KCNIP4: variants seen among roughly 807,000 people sequenced by gnomAD.
The protein encoded by KCNIP4 is potassium voltage-gated channel interacting protein 4.
In KCNIP4, 12 loss-of-function variants were observed where a neutral mutation model predicts 34.0. The ratio of observed to expected loss-of-function variants is 0.35; its 90% CI spans 0.23 to 0.57. KCNIP4 has a LOEUF of 0.57. Ranked by LOEUF, KCNIP4 falls within the 20% of genes least tolerant of loss-of-function variation. The probability of loss-of-function intolerance (pLI) is 0.83; values close to 1 mark genes in which losing one functional copy is unlikely to be tolerated. For synonymous variants in KCNIP4, 124 were observed against 102.2 expected, an observed-to-expected ratio of 1.21 and a Z score of -1.29; for missense variants, 238 against 311.7, an observed-to-expected ratio of 0.76 and a Z score of 1.78.
chr4:21,354,335 T>C (rs1373686629), intron 1 of KCNIP4, among the ~76,000 whole-genome samples: 3 of 152,156 alleles, frequency 2.0e-5, no homozygotes, highest in Non-Finnish European at 4.4e-5. Context: ...AATGCCCCAA[T>C]TAAAAGACAT....
chr4:21,601,120 T>C (rs1244508847), intron 1 of KCNIP4, among the ~76,000 whole-genome samples: 1 of 151,754 alleles, frequency 6.6e-6, no homozygotes, highest in African/African-American at 2.4e-5. Flanking sequence ...ACCAGTGTCC[T>C]AGGGTTCTAT....
At chr4:21,303,487 A>G (rs1711985604) in intron 1 of KCNIP4, among the ~76,000 whole-genome samples, 2 of 152,352 alleles carry the variant, frequency 1.3e-5, no homozygotes, top group African/African-American at 4.8e-5. Context: ...AGATAAAATA[A>G]TCAAGCATCA....
chr4:21,443,377 G>A (rs890292234), intron 1 of KCNIP4, among the ~76,000 whole-genome samples: 2 of 152,130 alleles, frequency 1.3e-5, no homozygotes, highest in Non-Finnish European at 2.9e-5. Context: ...TACTGCTGTA[G>A]AATATGTTAG....
At chr4:20,851,461 C>T (rs1721014551) in intron 2 of KCNIP4, among the ~76,000 whole-genome samples, 1 of 152,162 alleles carries the variant, frequency 6.6e-6, no homozygotes, top group Non-Finnish European at 1.5e-5. Context: ...GATTCTGTGA[C>T]TTTCCTATTG....
chr4:21,332,542 G>C (rs986158158), intron 1 of KCNIP4, among the ~76,000 whole-genome samples: 1 of 151,730 alleles, frequency 6.6e-6, no homozygotes, highest in African/African-American at 2.4e-5. Flanking sequence ...TCTGTAAATG[G>C]CACTGTCCAA....
intron 1 of KCNIP4, among the ~76,000 whole-genome samples, chr4:21,358,637 T>C (rs1718907711): frequency 6.7e-6 from 1 of 148,728 alleles, no homozygotes; most frequent in Admixed American, 6.8e-5. Flanking sequence ...TGAGATGAGA[T>C]TTGAACAGTG....
chr4:21,685,940 G>A (rs928424498), intron 1 of KCNIP4, among the ~76,000 whole-genome samples: 2 of 152,186 alleles, frequency 1.3e-5, no homozygotes, highest in Non-Finnish European at 2.9e-5. Flanking sequence ...GTTTCCCTTG[G>A]GGGAATTCAG....
At chr4:21,833,165 C>T (rs1035485854) in intron 1 of KCNIP4, among the ~76,000 whole-genome samples, 91 of 151,606 alleles carry the variant, frequency 6.0e-4, no homozygotes, top group Middle Eastern at 3.4e-3. Context: ...GGAATCGCCA[C>T]ACTGACTTCC....
rs375093299 is a variant in KCNIP4, at chr4:20,734,522, GA to G, written c.537+105del. On this transcript the variant is annotated intron_variant, in intron 6 of 8. Transcript: ENST00000382152. ...TTCTTCCACTACATAAAATATTTTG[GA>G]ATTTCCTCAAAAAAACTTTTCAAAT... 2.9e-3 allele frequency: 1,577 copies of G among 550,818 alleles called. 40 individuals are homozygous for G. The South Asian group carries it at 0.039, about 14-fold the overall frequency. The allele number at this position is 550,818 out of a possible 1,614,324, so 34.1% of individuals were successfully genotyped here. A position where few individuals can be genotyped will look rare whatever the true frequency, so the allele number is the denominator to read the frequency against.
intron 1 of KCNIP4, among the ~76,000 whole-genome samples, chr4:21,701,074 T>A (rs190711190): frequency 6.6e-6 from 1 of 152,276 alleles, no homozygotes; most frequent in East Asian, 1.9e-4. Flanking sequence ...TTCAGCCTTA[T>A]ACAAATTAGG....
chr4:21,609,452 A>G (rs1294751744), intron 1 of KCNIP4, among the ~76,000 whole-genome samples: 1 of 152,200 alleles, frequency 6.6e-6, no homozygotes, highest in Non-Finnish European at 1.5e-5. Context: ...TACAGTTAAT[A>G]TGGTTCTGTG....
chr4:21,126,014 T>A (rs566036364), intron 1 of KCNIP4, among the ~76,000 whole-genome samples: 26 of 152,154 alleles, frequency 1.7e-4, no homozygotes, highest in Admixed American at 1.4e-3. Context: ...AGATGTAAAG[T>A]ATTAGCAGTG....
intron 1 of KCNIP4, among the ~76,000 whole-genome samples, chr4:21,596,459 C>A (rs1312162569): frequency 6.6e-6 from 1 of 151,954 alleles, no homozygotes; most frequent in Admixed American, 6.6e-5. Context: ...ATCTCCATAA[C>A]CTGGAATAAA....
At chr4:21,825,245 A>C (rs1177744414) in intron 1 of KCNIP4, among the ~76,000 whole-genome samples, 1 of 152,132 alleles carries the variant, frequency 6.6e-6, no homozygotes, top group African/African-American at 2.4e-5. Flanking sequence ...ATATGTATAA[A>C]ATGAACAAAA....
At chr4:20,772,130 CA>C (rs1396703796) in intron 3 of KCNIP4, among the ~76,000 whole-genome samples, 1 of 152,096 alleles carries the variant, frequency 6.6e-6, no homozygotes, top group Non-Finnish European at 1.5e-5. Context: ...AGAACTTTCC[CA>C]AGGTCAGTGG....
intron 3 of KCNIP4, among the ~76,000 whole-genome samples, chr4:20,813,152 T>C (rs1196509246): frequency 6.6e-6 from 1 of 152,092 alleles, no homozygotes; most frequent in Non-Finnish European, 1.5e-5. Flanking sequence ...GGAAAATACC[T>C]GAAGCTACCA....
chr4:20,954,747 A>G (rs994290562), intron 1 of KCNIP4, among the ~76,000 whole-genome samples: 3 of 152,060 alleles, frequency 2.0e-5, no homozygotes, highest in Admixed American at 6.5e-5. Context: ...ATCTTTCTCA[A>G]TTTTGTGAGT....
chr4:21,646,622 G>A (rs1411725009), intron 1 of KCNIP4, among the ~76,000 whole-genome samples: 1 of 151,930 alleles, frequency 6.6e-6, no homozygotes, highest in African/African-American at 2.4e-5. Context: ...CAATTTAACA[G>A]CCATGCCCCA....
At chr4:21,191,710 A>G (rs1755658682) in intron 1 of KCNIP4, among the ~76,000 whole-genome samples, 1 of 152,224 alleles carries the variant, frequency 6.6e-6, no homozygotes, top group Admixed American at 6.5e-5. Context: ...ATAGTCTTTT[A>G]AATGATGTAT....
Sources: gnomAD v4.1 joint callset for allele counts (sites outside exome capture counted in the v4.1 genomes callset) on GRCh38, gnomAD v4.1.1 for gene constraint, MANE v1.5 for transcripts, NCBI Gene and HGNC (gene_info 2026-07-23, HGNC 2026-07-21) for gene names.